Variants in PTPRD observed in about 807,000 individuals in gnomAD.
The protein encoded by PTPRD is receptor-type tyrosine-protein phosphatase delta.
Under a neutral mutation model 214.5 loss-of-function variants are expected in PTPRD, and 34 were observed. The ratio of observed to expected loss-of-function variants is 0.16; its 90% CI spans 0.12 to 0.21. The LOEUF (loss-of-function observed/expected upper bound fraction) is 0.21. Ranked by LOEUF, PTPRD falls within the 10% of genes least tolerant of loss-of-function variation. The probability of loss-of-function intolerance (pLI) is 1.00; values close to 1 mark genes in which losing one functional copy is unlikely to be tolerated. For synonymous variants in PTPRD, 1,128 were observed against 845.7 expected (o/e 1.33, Z -5.79); for missense variants, 2,545 against 2,398.7 (o/e 1.06, Z -1.27).
intron 14 of PTPRD, among the ~76,000 whole-genome samples, chr9:8,530,222 T>A (rs1411525679): frequency 1.3e-5 from 2 of 152,056 alleles, no homozygotes; most frequent in Non-Finnish European, 2.9e-5. Flanking sequence ...TCTCTCCCTC[T>A]AGAGCCGAGG....
chr9:8,905,288 T>A (rs1320689247), intron 11 of PTPRD, among the ~76,000 whole-genome samples: 1 of 152,064 alleles, frequency 6.6e-6, no homozygotes, highest in East Asian at 1.9e-4. Context: ...TAGATATGTA[T>A]AAACTTGGCC....
chr9:9,789,732 G>A (rs1352202196), intron 5 of PTPRD, among the ~76,000 whole-genome samples: 1 of 140,490 alleles, frequency 7.1e-6, no homozygotes, highest in Non-Finnish European at 1.5e-5. Flanking sequence ...GGGAGGCAGA[G>A]CTTGCAGTGA....
At chr9:10,068,231 T>C (rs1387038795) in intron 3 of PTPRD, among the ~76,000 whole-genome samples, 1 of 151,626 alleles carries the variant, frequency 6.6e-6, no homozygotes, top group Non-Finnish European at 1.5e-5. Context: ...ACATTCCAAA[T>C]CTGCCATTTG....
chr9:10,271,992 A>G (rs1446864359), intron 3 of PTPRD, among the ~76,000 whole-genome samples: 4 of 151,788 alleles, frequency 2.6e-5, no homozygotes, highest in African/African-American at 9.7e-5. Flanking sequence ...TCATTCATCC[A>G]TTTAAAATAT....
chr9:9,298,048 G>A (rs1014720332), intron 9 of PTPRD, among the ~76,000 whole-genome samples: 2 of 151,724 alleles, frequency 1.3e-5, no homozygotes, highest in Non-Finnish European at 3.0e-5. Context: ...GACTTAAAAT[G>A]TGAGAGACAA....
chr9:9,805,212 T>A (rs2099065350), intron 5 of PTPRD, among the ~76,000 whole-genome samples: 1 of 152,166 alleles, frequency 6.6e-6, no homozygotes, highest in African/African-American at 2.4e-5. Flanking sequence ...AAATGAATGA[T>A]GTTAACAACC....
In PTPRD at chr9:9,565,510, T is replaced by C. The variant is rs114891360; in HGVS notation, c.-237+9222A>G. 3.7e-3 allele frequency among the ~76,000 whole-genome samples: 570 copies of C among 152,082 alleles called. 3 individuals carry two copies. Among genetic ancestry groups the C allele is most frequent in the African/African-American group, 0.013 (530 of 41,564 alleles). The stretch of plus-strand genomic sequence containing the variant: ...TGAATGCAGAATGATGATGGATTTC[T>C]GAAGAATAATTTTTCCTTTCTTTTT... On this transcript the variant is annotated intron_variant, in intron 8 of 45. Transcript: ENST00000381196.
chr9:10,574,506 G>A (rs2068523217), intron 2 of PTPRD, among the ~76,000 whole-genome samples: 1 of 151,508 alleles, frequency 6.6e-6, no homozygotes, highest in Non-Finnish European at 1.5e-5. Context: ...TCAGTAAAAG[G>A]AAGATACAAC....
chr9:10,444,456 T>C (rs1003924227), intron 2 of PTPRD, among the ~76,000 whole-genome samples: 4 of 151,780 alleles, frequency 2.6e-5, no homozygotes, highest in Non-Finnish European at 5.9e-5. Context: ...TCCATATTAA[T>C]GGGTAATTAA....
chr9:8,553,916 C>T (rs574603801), intron 14 of PTPRD, among the ~76,000 whole-genome samples: 11 of 152,158 alleles, frequency 7.2e-5, no homozygotes, highest in African/African-American at 2.4e-4. Flanking sequence ...TAGCCGGGCG[C>T]GGTGGCTCAC....
At chr9:9,650,412 C>A (rs1338873693) in intron 7 of PTPRD, among the ~76,000 whole-genome samples, 1 of 152,190 alleles carries the variant, frequency 6.6e-6, no homozygotes, top group Non-Finnish European at 1.5e-5. Context: ...TGTTTCCCTA[C>A]TTGATTATGG....
chr9:8,781,517 C>A (rs992217191), intron 11 of PTPRD, among the ~76,000 whole-genome samples: 2 of 152,136 alleles, frequency 1.3e-5, no homozygotes, highest in African/African-American at 4.8e-5. Context: ...AAGAGTACAA[C>A]TCATTAGTAT....
intron 9 of PTPRD, among the ~76,000 whole-genome samples, chr9:9,234,241 A>T (rs1304855094): frequency 1.3e-5 from 2 of 152,186 alleles, no homozygotes; most frequent in African/African-American, 4.8e-5. Context: ...GACTTGCATC[A>T]TCTGAAGCCA....
chr9:8,859,029 CAGTGATAATACTAT>C (rs1334039814), intron 11 of PTPRD, among the ~76,000 whole-genome samples: 1 of 152,228 alleles, frequency 6.6e-6, no homozygotes, highest in Non-Finnish European at 1.5e-5. Flanking sequence ...CTATTGACAG[CAGTGATAATACTAT>C]AGGGAGCGTG....
chr9:9,162,042 C>T (rs10816054), intron 10 of PTPRD, among the ~76,000 whole-genome samples: 85,785 of 151,722 alleles, frequency 0.57, 24,985 homozygotes, highest in African/African-American at 0.7. Flanking sequence ...AAGAAGAAAA[C>T]AACAAGGCCC....
At chr9:9,570,620 C>T (rs2086071682) in intron 8 of PTPRD, among the ~76,000 whole-genome samples, 1 of 151,504 alleles carries the variant, frequency 6.6e-6, no homozygotes, top group Admixed American at 6.6e-5. Flanking sequence ...TACTTAAAGT[C>T]TTAGAACCAA....
At chr9:10,408,442 A>T (rs2098399431) in intron 2 of PTPRD, among the ~76,000 whole-genome samples, 1 of 151,688 alleles carries the variant, frequency 6.6e-6, no homozygotes, top group Non-Finnish European at 1.5e-5. Context: ...AATTTCAAAG[A>T]TGGTGCAATG....
chr9:8,813,006 G>A (rs1174534587), intron 11 of PTPRD, among the ~76,000 whole-genome samples: 2 of 151,896 alleles, frequency 1.3e-5, no homozygotes, highest in South Asian at 2.1e-4. Context: ...CGCTCCTCAT[G>A]ATATAATCAT....
intron 3 of PTPRD, among the ~76,000 whole-genome samples, chr9:10,062,585 G>A (rs376706412): frequency 1.5e-4 from 23 of 152,020 alleles, no homozygotes; most frequent in Non-Finnish European, 2.5e-4. Context: ...CAGCCTGGGC[G>A]AAAAGAGTGA....
Sources: allele counts gnomAD v4.1 joint callset (sites outside exome capture counted in the v4.1 genomes callset), GRCh38; gene constraint gnomAD v4.1.1; transcripts MANE v1.5; gene names NCBI Gene and HGNC (gene_info 2026-07-23, HGNC 2026-07-21).